Variants in MACROD2 observed in about 807,000 individuals in gnomAD.
The protein encoded by MACROD2 is mono-ADP ribosylhydrolase 2, also known as ADP-ribose glycohydrolase MACROD2.
Under a neutral mutation model 70.4 loss-of-function variants are expected in MACROD2, and 36 were observed. The observed-to-expected ratio is 0.51, with a 90% CI of 0.39 to 0.68. The LOEUF (loss-of-function observed/expected upper bound fraction) is 0.68. MACROD2 is among the 30% of genes least tolerant of loss of function. MACROD2 has a pLI of 0.00. For synonymous variants in MACROD2, 172 were observed against 178.8 expected (o/e 0.96, Z 0.30); for missense variants, 496 against 538.4 (o/e 0.92, Z 0.78).
chr20:15,276,423 T>A (rs77528808), intron 6 of MACROD2, among the ~76,000 whole-genome samples: 2 of 147,758 alleles, frequency 1.4e-5, no homozygotes, highest in Non-Finnish European at 1.5e-5. Flanking sequence ...AATAAAAAAA[T>A]CTCATTGATC....
intron 8 of MACROD2, among the ~76,000 whole-genome samples, chr20:15,706,869 A>G (rs548046595): frequency 6.6e-6 from 1 of 152,218 alleles, no homozygotes. Flanking sequence ...TGAAACTGAC[A>G]TCACAGGAAG....
At chr20:15,742,938 G>T (rs991486657) in intron 8 of MACROD2, among the ~76,000 whole-genome samples, 1 of 152,204 alleles carries the variant, frequency 6.6e-6, no homozygotes, top group South Asian at 2.1e-4. Context: ...TGCTGTTCTT[G>T]TGTACCTTAT....
intron 8 of MACROD2, among the ~76,000 whole-genome samples, chr20:15,504,005 T>G (rs1418643043): frequency 6.6e-6 from 1 of 152,252 alleles, no homozygotes; most frequent in Non-Finnish European, 1.5e-5. Context: ...ATATAATTGA[T>G]GAGCTTTTAC....
At chr20:14,634,262 A>G (rs1258111052) in intron 4 of MACROD2, among the ~76,000 whole-genome samples, 1 of 152,176 alleles carries the variant, frequency 6.6e-6, no homozygotes, top group Non-Finnish European at 1.5e-5. Flanking sequence ...ACTTTTCCAT[A>G]AGCTTGTCAT....
At chr20:15,301,067 A>C (rs1250643954) in intron 6 of MACROD2, among the ~76,000 whole-genome samples, 3 of 152,270 alleles carry the variant, frequency 2.0e-5, no homozygotes, top group African/African-American at 7.2e-5. Flanking sequence ...CTTAAGAACA[A>C]CTTCAGAGGA....
At chr20:15,427,937 T>C (rs1285909757) in intron 6 of MACROD2, among the ~76,000 whole-genome samples, 1 of 152,182 alleles carries the variant, frequency 6.6e-6, no homozygotes, top group Admixed American at 6.5e-5. Flanking sequence ...GCTACTGATA[T>C]CTAGCTGGTA....
rs577855937 is a variant in MACROD2 at position 14,033,445 on chromosome 20, TATTCTATTCATAGAATATTCATAGC to T, written c.163+31079_163+31103del. On this transcript the variant is annotated intron_variant, in intron 2 of 17. Coordinates refer to ENST00000684519, the MANE Select transcript of MACROD2 (RefSeq NM_001351661.2). ...ACTTTTCCAGACTGATTGTAGATTC[TATTCTATTCATAGAATATTCATAGC>T]ATTCTATTCATAGAATATTCATAGC... Among the ~76,000 whole-genome samples the T allele has an allele frequency of 4.4e-4, 67 of 152,324 alleles. No individual in the cohort carries two copies. The East Asian group carries it at 6.2e-3, about 14-fold the overall frequency.
intron 3 of MACROD2, among the ~76,000 whole-genome samples, chr20:14,195,162 T>C (rs1402033660): frequency 6.6e-6 from 1 of 152,174 alleles, no homozygotes; most frequent in Non-Finnish European, 1.5e-5. Context: ...ATGAGTTTTA[T>C]TTTGGAGTAG....
intron 8 of MACROD2, among the ~76,000 whole-genome samples, chr20:15,812,566 TAA>T (rs5840687): frequency 2.8e-4 from 41 of 145,626 alleles, no homozygotes; most frequent in African/African-American, 4.5e-4. Flanking sequence ...ATATTGGATT[TAA>T]AAAAAAAAAA....
intron 8 of MACROD2, among the ~76,000 whole-genome samples, chr20:15,503,562 A>AG (rs1285878705): frequency 6.6e-6 from 1 of 152,242 alleles, no homozygotes; most frequent in Non-Finnish European, 1.5e-5. Flanking sequence ...GGAACTAGAG[A>AG]GGGGTCTCAT....
At chr20:14,551,998 C>G (rs1978685217) in intron 4 of MACROD2, among the ~76,000 whole-genome samples, 1 of 151,924 alleles carries the variant, frequency 6.6e-6, no homozygotes, top group African/African-American at 2.4e-5. Flanking sequence ...CTGAATATTG[C>G]ACTTAATACA....
At position 14,439,175 on chromosome 20, in the gene MACROD2, G is replaced by A. The variant is rs547621819; in HGVS notation, c.272-54304G>A. Among the ~76,000 whole-genome samples the A allele has an allele frequency of 1.8e-4, 28 of 152,090 alleles. No homozygotes were observed. In the South Asian group the frequency reaches 4.6e-3, roughly 25 times the overall value. ...GAGGAGACTATTTTTTCCTCTTTGC[G>A]TCCAGTTGGTGATCTTGTCAAAAAT... On this transcript the variant is annotated intron_variant, in intron 3 of 17. Coordinates refer to ENST00000684519, the MANE Select transcript of MACROD2 (RefSeq NM_001351661.2).
intron 6 of MACROD2, among the ~76,000 whole-genome samples, chr20:15,313,568 T>C (rs2077777088): frequency 1.3e-5 from 2 of 150,334 alleles, no homozygotes; most frequent in South Asian, 4.2e-4. Flanking sequence ...ACTGGAGTAA[T>C]GTGTGGAATG....
intron 4 of MACROD2, among the ~76,000 whole-genome samples, chr20:14,610,180 A>AGTTT (rs1983070874): frequency 6.6e-6 from 1 of 152,176 alleles, no homozygotes; most frequent in African/African-American, 2.4e-5. Flanking sequence ...TAGTTTGGAA[A>AGTTT]GGGGTTTATT....
intron 4 of MACROD2, among the ~76,000 whole-genome samples, chr20:14,623,322 C>A (rs1983941982): frequency 6.6e-6 from 1 of 152,000 alleles, no homozygotes; most frequent in African/African-American, 2.4e-5. Context: ...GAATTGGGAG[C>A]ATATATGTTG....
At chr20:15,486,080 A>C (rs2146463607) in intron 7 of MACROD2, among the ~76,000 whole-genome samples, 1 of 152,200 alleles carries the variant, frequency 6.6e-6, no homozygotes, top group Middle Eastern at 3.4e-3. Context: ...GTATTTTATA[A>C]TTTCTTCAGA....
Position 14,327,390 on chromosome 20 carries a change from C to T in MACROD2, c.272-166089C>T, listed in dbSNP as rs570214841. On this transcript the variant is annotated intron_variant, in intron 3 of 17. Coordinates refer to ENST00000684519, the MANE Select transcript of MACROD2 (RefSeq NM_001351661.2). ...AGCGATCATTACAGTAAATGAAACC[C>T]GCATCGCAGCGACACACAGATGGAC... The T allele has an allele frequency of 3.0e-5, 48 of 1,613,598 alleles. No homozygotes were observed. In the South Asian group the frequency reaches 4.1e-4, roughly 14 times the overall value.
At chr20:14,233,430 C>T (rs80216281) in intron 3 of MACROD2, among the ~76,000 whole-genome samples, 5 of 151,962 alleles carry the variant, frequency 3.3e-5, no homozygotes, top group South Asian at 2.1e-4. Context: ...CGGTGGCTCA[C>T]GCCTGTAATC....
intron 15 of MACROD2, among the ~76,000 whole-genome samples, chr20:15,992,330 T>C (rs554170699): frequency 6.6e-6 from 1 of 152,328 alleles, no homozygotes; most frequent in South Asian, 2.1e-4. Flanking sequence ...CTATCATTCC[T>C]TCCAATATCT....
Sources: gnomAD v4.1 joint callset for allele counts (sites outside exome capture counted in the v4.1 genomes callset) on GRCh38, gnomAD v4.1.1 for gene constraint, MANE v1.5 for transcripts, NCBI Gene and HGNC (gene_info 2026-07-23, HGNC 2026-07-21) for gene names.